The following DENND5A variants were observed in gnomAD, a reference collection of about 807,000 sequenced individuals.
The protein encoded by DENND5A is DENN domain containing 5A.
DENND5A carries 64 observed loss-of-function variants against 140.3 expected under a neutral mutation model. That is an observed-to-expected ratio of 0.46 (90% CI 0.37 to 0.56). The LOEUF (loss-of-function observed/expected upper bound fraction) is 0.56. Ranked by LOEUF, DENND5A falls within the 20% of genes least tolerant of loss-of-function variation. The pLI is 0.00. For missense variants in DENND5A, 1,292 were observed against 1,593.8 expected (o/e 0.81, Z 3.22); for synonymous variants, 605 against 607.7 (o/e 1.00, Z 0.07).
intron 12 of DENND5A, 72 bp downstream of exon 12, chr11:9,160,639 AAG>A: frequency 2.1e-6 from 3 of 1,425,914 alleles, no homozygotes; most frequent in Non-Finnish European, 1.9e-6. Flanking sequence ...GCTGGACAAA[AAG>A]AGTGTGGGAA....
At chr11:9,250,855 C>A (rs559950032) in intron 1 of DENND5A, among the ~76,000 whole-genome samples, 2 of 152,122 alleles carry the variant, frequency 1.3e-5, no homozygotes, top group African/African-American at 4.8e-5. Flanking sequence ...GACTTCCGGC[C>A]GGGTGCGGTG....
rs531351314 is a variant in DENND5A, at chr11:9,180,814, C to G, written c.1408G>C (p.Ala470Pro). The change falls in exon 6 of 23, where the codon GCC becomes CCC. Residue 470 changes from alanine to proline, a missense_variant. This residue lies in a region of DENND5A where 566 missense variants were observed against 650.4 expected (regional missense o/e 0.87). Transcript: ENST00000328194. ...CTCTTGACCAAGGCTTGCAGCCGGG[C>G]AATAGTTTCATTCTCCTTAAGAAGC... Reference protein sequence around the residue: ...YELLKENETIARLQALVKRTG... With the variant: ...YELLKENETIPRLQALVKRTG... 2 of 1,614,070 alleles carry G rather than the reference C, an allele frequency of 1.2e-6. No individual in the cohort carries two copies. The highest frequency in any genetic ancestry group is 1.7e-6 in the Non-Finnish European group (2 of 1,180,034).
chr11:9,194,482 T>C (rs901692251), intron 4 of DENND5A, among the ~76,000 whole-genome samples: 2 of 151,718 alleles, frequency 1.3e-5, no homozygotes, highest in East Asian at 3.9e-4. Flanking sequence ...GACGTAAGAA[T>C]TGCTTGAACC....
At chr11:9,164,768 T>C (rs1231484214) in intron 11 of DENND5A, among the ~76,000 whole-genome samples, 2 of 151,998 alleles carry the variant, frequency 1.3e-5, no homozygotes, top group Admixed American at 1.3e-4. Context: ...GGGGAAAAAA[T>C]ATCTGCAAAT....
At chr11:9,224,033 A>G (rs896891818) in intron 1 of DENND5A, among the ~76,000 whole-genome samples, 6 of 152,154 alleles carry the variant, frequency 3.9e-5, no homozygotes, top group Non-Finnish European at 8.8e-5. Flanking sequence ...CTCTACTAAA[A>G]AAATACAAAA....
intron 5 of DENND5A, among the ~76,000 whole-genome samples, chr11:9,182,633 T>A (rs561053619): frequency 3.5e-4 from 54 of 152,344 alleles, no homozygotes; most frequent in Non-Finnish European, 5.7e-4. Flanking sequence ...CTGGAGCATA[T>A]TATGTTAAGT....
chr11:9,225,730 C>T (rs1291636328), intron 1 of DENND5A, among the ~76,000 whole-genome samples: 5 of 152,146 alleles, frequency 3.3e-5, no homozygotes, highest in African/African-American at 4.8e-5. Flanking sequence ...CCACTCTACT[C>T]CAGCCTGGGC....
At chr11:9,244,611 C>T (rs575638839) in intron 1 of DENND5A, among the ~76,000 whole-genome samples, 2 of 152,304 alleles carry the variant, frequency 1.3e-5, no homozygotes, top group South Asian at 2.1e-4. Context: ...TCGGGTGATC[C>T]GCCCGCTTCG....
chr11:9,228,495 T>A (rs2050384387), intron 1 of DENND5A, among the ~76,000 whole-genome samples: 1 of 152,112 alleles, frequency 6.6e-6, no homozygotes, highest in Non-Finnish European at 1.5e-5. Context: ...ATGCTTGCAA[T>A]CCTGGCACTT....
At chr11:9,174,102 C>CAAAAAAAAAAAAAAAAAAAAA (rs57703622) in intron 8 of DENND5A, among the ~76,000 whole-genome samples, 1 of 42,148 alleles carries the variant, frequency 2.4e-5, no homozygotes, top group Non-Finnish European at 4.1e-5. Context: ...GACTCCGTCT[C>CAAAAAAAAAAAAAAAAAAAAA]AAAAAAAAAA....
chr11:9,150,881 C>A, intron 13 of DENND5A, 117 bp from the exon 14 acceptor site: 2 of 537,078 alleles, frequency 3.7e-6, no homozygotes, highest in Non-Finnish European at 6.6e-6. Context: ...ACTGGTAACA[C>A]TTTAATTGAT....
chr11:9,142,482 C>A (rs529067837), intron 21 of DENND5A, among the ~76,000 whole-genome samples: 15 of 152,268 alleles, frequency 9.9e-5, no homozygotes, highest in Non-Finnish European at 1.6e-4. Context: ...TAAGTCCATA[C>A]TAAATAACAG....
chr11:9,228,891 T>A (rs1850645014), intron 1 of DENND5A, among the ~76,000 whole-genome samples: 1 of 152,158 alleles, frequency 6.6e-6, no homozygotes, highest in Non-Finnish European at 1.5e-5. Context: ...TTATATCCTT[T>A]ATAATAAATG....
At chr11:9,163,716 A>G (rs1848070911) in intron 11 of DENND5A, among the ~76,000 whole-genome samples, 1 of 151,320 alleles carries the variant, frequency 6.6e-6, no homozygotes, top group African/African-American at 2.4e-5. Flanking sequence ...AGGCACGAGA[A>G]TTGCTTGAAC....
chr11:9,244,487 A>G (rs1851379515), intron 1 of DENND5A, among the ~76,000 whole-genome samples: 1 of 152,134 alleles, frequency 6.6e-6, no homozygotes, highest in African/African-American at 2.4e-5. Flanking sequence ...CTCCTGCCTC[A>G]GTCTCCCAAG....
chr11:9,170,107 G>A (rs973828441), intron 9 of DENND5A, among the ~76,000 whole-genome samples, 158 bp from the exon 10 acceptor site: 3 of 152,220 alleles, frequency 2.0e-5, no homozygotes, highest in Non-Finnish European at 4.4e-5. Context: ...AGGAAGAGCA[G>A]ATTAAAGATG....
chr11:9,233,255 T>C (rs1431500574), intron 1 of DENND5A, among the ~76,000 whole-genome samples: 1 of 151,852 alleles, frequency 6.6e-6, no homozygotes, highest in African/African-American at 2.4e-5. Flanking sequence ...AAAAATTAAC[T>C]GGACATGGTG....
intron 5 of DENND5A, among the ~76,000 whole-genome samples, chr11:9,186,435 A>T (rs1848915478): frequency 1.3e-5 from 2 of 152,214 alleles, no homozygotes; most frequent in Non-Finnish European, 2.9e-5. Flanking sequence ...TGACCCACGA[A>T]AGGCACACAA....
At chr11:9,233,665 G>A (rs2136257076) in intron 1 of DENND5A, among the ~76,000 whole-genome samples, 1 of 152,216 alleles carries the variant, frequency 6.6e-6, no homozygotes, top group Non-Finnish European at 1.5e-5. Flanking sequence ...TGAAGGCAAT[G>A]AGAAGACAGA....
Sources: allele counts gnomAD v4.1 joint callset (sites outside exome capture counted in the v4.1 genomes callset), GRCh38; gene constraint gnomAD v4.1.1; regional missense constraint gnomAD v4.1.1; transcripts MANE v1.5; gene names NCBI Gene and HGNC (gene_info 2026-07-23, HGNC 2026-07-21).